The following SULT4A1 variants were observed in gnomAD, a reference collection of about 807,000 sequenced individuals.
SULT4A1 encodes sulfotransferase 4A1.
In SULT4A1, 11 loss-of-function variants were observed where a neutral mutation model predicts 35.2. The observed-to-expected ratio is 0.31, with a 90% CI of 0.20 to 0.52. The LOEUF is 0.52. Among genes scored for constraint, SULT4A1 ranks in the 20% least tolerant of loss-of-function variants. The pLI is 0.97. For missense variants in SULT4A1, 271 were observed against 383.7 expected (o/e 0.71, Z 2.45); for synonymous variants, 152 against 151.8 (o/e 1.00, Z -0.01).
intron 1 of SULT4A1, among the ~76,000 whole-genome samples, chr22:43,855,099 C>T (rs914310529): frequency 2.0e-5 from 3 of 152,160 alleles, no homozygotes; most frequent in Non-Finnish European, 4.4e-5. Flanking sequence ...TCAGCAGCAG[C>T]GACGATGGTG....
chr22:43,831,770 C>A (rs931597517), intron 5 of SULT4A1, among the ~76,000 whole-genome samples: 1 of 152,234 alleles, frequency 6.6e-6, no homozygotes, highest in Non-Finnish European at 1.5e-5. Flanking sequence ...GAGATGAAAC[C>A]GCGGTGGCCT....
At chr22:43,849,650 G>A (rs2063498304) in intron 1 of SULT4A1, among the ~76,000 whole-genome samples, 1 of 152,124 alleles carries the variant, frequency 6.6e-6, no homozygotes, top group Non-Finnish European at 1.5e-5. Flanking sequence ...CCTTCCCGCT[G>A]AGAGCCACTT....
intron 2 of SULT4A1, among the ~76,000 whole-genome samples, chr22:43,840,577 G>A (rs541265546): frequency 2.6e-5 from 4 of 152,260 alleles, no homozygotes; most frequent in African/African-American, 9.6e-5. Flanking sequence ...GAGTGGCGTC[G>A]GAGGGCAGCA....
At chr22:43,836,989 C>G (rs756306252) in intron 4 of SULT4A1, among the ~76,000 whole-genome samples, 1 of 152,276 alleles carries the variant, frequency 6.6e-6, no homozygotes, top group Admixed American at 6.5e-5. Context: ...CCTCCAGCCT[C>G]GCAGAGCTGG....
intron 4 of SULT4A1, among the ~76,000 whole-genome samples, chr22:43,834,228 C>T (rs2063347128): frequency 6.6e-6 from 1 of 152,092 alleles, no homozygotes; most frequent in African/African-American, 2.4e-5. Flanking sequence ...AAGCTGAAGA[C>T]GGGCAGGGAG....
chr22:43,830,493 C>G (rs755751274), intron 5 of SULT4A1, among the ~76,000 whole-genome samples: 14 of 152,362 alleles, frequency 9.2e-5, no homozygotes, highest in East Asian at 3.9e-4. Context: ...ACGCCCAGGT[C>G]AGCTGGCAGG....
chr22:43,836,447 C>A (rs1401479564), intron 4 of SULT4A1, among the ~76,000 whole-genome samples: 1 of 134,324 alleles, frequency 7.4e-6, no homozygotes, highest in Non-Finnish European at 1.6e-5. Context: ...AGCGTCCTCA[C>A]ACTGCAGGTG....
intron 4 of SULT4A1, among the ~76,000 whole-genome samples, chr22:43,837,744 G>A (rs1038908094): frequency 2.0e-5 from 3 of 152,198 alleles, no homozygotes; most frequent in Non-Finnish European, 4.4e-5. Flanking sequence ...CCCGCCAAGA[G>A]GTCCCCTTCA....
At position 43,862,510 on chromosome 22, in the gene SULT4A1, T is replaced by C. The variant is rs1246315088; in HGVS notation, c.-128A>G. On this transcript the variant is annotated 5_prime_UTR_variant, in exon 1 of 7. Transcript: ENST00000330884. ...GCGCGCGGCGGCAGCTCCGCAGGCGTGACGTCATGGCGCCGCCGACGCGCG... is the reference window on the plus strand; with the variant it reads ...GCGCGCGGCGGCAGCTCCGCAGGCGCGACGTCATGGCGCCGCCGACGCGCG... 42 of 870,348 alleles carry C rather than the reference T, an allele frequency of 4.8e-5. No individual in the cohort carries two copies. Among genetic ancestry groups the C allele is most frequent in the Admixed American group, 6.4e-5 (1 of 15,608 alleles). 53.9% of individuals were successfully genotyped at this position (870,348 alleles called of 1,614,324 possible).
In SULT4A1 at chr22:43,825,037, A is replaced by C. The variant is rs1490744736; in HGVS notation, c.*964T>G. On this transcript the variant is annotated 3_prime_UTR_variant, in exon 7 of 7. Coordinates refer to ENST00000330884, the MANE Select transcript of SULT4A1 (RefSeq NM_014351.4). ...GAGTGAAACAGGGCTACACTCGCAAAATGGTCCTCCCACGGCTGAGCGCCT... is the reference window on the plus strand; with the variant it reads ...GAGTGAAACAGGGCTACACTCGCAACATGGTCCTCCCACGGCTGAGCGCCT... 6.6e-6 allele frequency: 1 copy of C among 152,232 alleles called. No individual in the cohort carries two copies. Among genetic ancestry groups the C allele is most frequent in the African/African-American group, 2.4e-5 (1 of 41,468 alleles). 9.4% of individuals were successfully genotyped at this position (152,232 alleles called of 1,614,324 possible).
intron 5 of SULT4A1, among the ~76,000 whole-genome samples, chr22:43,832,435 C>T (rs1212136561): frequency 2.6e-5 from 4 of 152,308 alleles, no homozygotes; most frequent in African/African-American, 9.6e-5. Flanking sequence ...GTCCTTCCTG[C>T]ACATCGAGCA....
intron 1 of SULT4A1, among the ~76,000 whole-genome samples, chr22:43,856,771 C>T (rs2049405470): frequency 6.6e-6 from 1 of 152,142 alleles, no homozygotes; most frequent in Admixed American, 6.5e-5. Flanking sequence ...AGATCAACAC[C>T]CGAACCCAAA....
Position 43,825,860 on chromosome 22 carries a change from G to A in SULT4A1, c.*141C>T, listed in dbSNP as rs1357161296. On this transcript the variant is annotated 3_prime_UTR_variant, in exon 7 of 7. Coordinates refer to ENST00000330884, the MANE Select transcript of SULT4A1 (RefSeq NM_014351.4). ...GGTTGGGAATCATCACACTCCCTCCGCTCACGCCGCTCTTCCCTTCCCCCG... is the reference window on the plus strand; with the variant it reads ...GGTTGGGAATCATCACACTCCCTCCACTCACGCCGCTCTTCCCTTCCCCCG... 6.0e-5 allele frequency: 47 copies of A among 788,940 alleles called. No homozygotes were observed. Among genetic ancestry groups the A allele is most frequent in the Non-Finnish European group, 7.9e-5 (39 of 493,320 alleles). 48.9% of individuals were successfully genotyped at this position (788,940 alleles called of 1,614,324 possible).
At chr22:43,861,893 G>A (rs888928620) in intron 1 of SULT4A1, among the ~76,000 whole-genome samples, 9 of 152,262 alleles carry the variant, frequency 5.9e-5, no homozygotes, top group African/African-American at 1.9e-4. Flanking sequence ...CAGGTAAAGG[G>A]AGAAGCAGGG....
At chr22:43,828,649 G>C (rs2063304843) in intron 6 of SULT4A1, among the ~76,000 whole-genome samples, 1 of 152,214 alleles carries the variant, frequency 6.6e-6, no homozygotes, top group Non-Finnish European at 1.5e-5. Flanking sequence ...TCTCCCACAA[G>C]TCAGTTAGAG....
At position 43,844,829 on chromosome 22, in the gene SULT4A1, T is replaced by C. The variant is rs544364190; in HGVS notation, c.170-2897A>G. The stretch of plus-strand genomic sequence containing the variant: ...ACGGGACAGGCCCTCTCCTCCCTGC[T>C]ACGGCCCAGGGGAGCAGGCACTGTG... On this transcript the variant is annotated intron_variant, in intron 1 of 6. Transcript: ENST00000330884. Among the ~76,000 whole-genome samples the C allele has an allele frequency of 3.3e-5, 5 of 152,272 alleles. No homozygotes were observed. In the South Asian group the frequency reaches 1.0e-3, roughly 32 times the overall value.
chr22:43,844,141 A>G (rs747306663), intron 1 of SULT4A1, among the ~76,000 whole-genome samples: 1 of 152,168 alleles, frequency 6.6e-6, no homozygotes. Context: ...CTTGTGTGAG[A>G]GCAGAGGAAA....
At chr22:43,852,624 G>A (rs470089) in intron 1 of SULT4A1, among the ~76,000 whole-genome samples, 35,441 of 151,872 alleles carry the variant, frequency 0.23, 4,333 homozygotes, top group African/African-American at 0.31. Context: ...AAAGGTGAAG[G>A]ACGTCTGTTA....
Position 43,840,043 on chromosome 22 carries a change from G to A in SULT4A1, c.301-18C>T. On this transcript the variant is annotated intron_variant, in intron 2 of 6. Coordinates refer to ENST00000330884, the MANE Select transcript of SULT4A1 (RefSeq NM_014351.4). ...GTCAGTTCCTGCGTGGAGTCAGAGG[G>A]AGAGGCAGGTCAGAGGAAAGGGTGA... The A allele has an allele frequency of 1.3e-6, 2 of 1,590,990 alleles. No homozygotes were observed. The highest frequency in any genetic ancestry group is 1.7e-6 in the Non-Finnish European group (2 of 1,168,464).
Sources: gnomAD v4.1 joint callset for allele counts (sites outside exome capture counted in the v4.1 genomes callset) on GRCh38, gnomAD v4.1.1 for gene constraint, MANE v1.5 for transcripts, NCBI Gene and HGNC (gene_info 2026-07-23, HGNC 2026-07-21) for gene names.